The following HYCC1 variants were observed in gnomAD, a reference collection of about 807,000 sequenced individuals.
The protein encoded by HYCC1 is hyccin PI4KA lipid kinase complex subunit 1.
chr7:22,986,688 A>C, the HYCC1 span, among the ~76,000 whole-genome samples: 7 of 152,318 alleles, frequency 4.6e-5, no homozygotes, highest in African/African-American at 1.2e-4. Flanking sequence ...TTTAGTAAAA[A>C]TACAAAAATT....
At chr7:23,003,986 A>G in the HYCC1 span, among the ~76,000 whole-genome samples, 9 of 152,374 alleles carry the variant, frequency 5.9e-5, no homozygotes, top group East Asian at 1.3e-3. Flanking sequence ...AAAACATTAT[A>G]GTAACCAAAG....
chr7:22,924,617 C>T, the HYCC1 span, among the ~76,000 whole-genome samples: 181 of 152,328 alleles, frequency 1.2e-3, no homozygotes, highest in African/African-American at 3.4e-3. Flanking sequence ...AACTGCAAGG[C>T]GGCAGCAAGG....
chr7:22,974,829 G>C, the HYCC1 span, among the ~76,000 whole-genome samples: 1 of 152,188 alleles, frequency 6.6e-6, no homozygotes, highest in African/African-American at 2.4e-5. Context: ...TGAATCATGG[G>C]GTTGGGTTTT....
At chr7:22,983,617 C>A in the HYCC1 span, 4 of 265,002 alleles carry the variant, frequency 1.5e-5, no homozygotes, top group South Asian at 1.2e-4. Flanking sequence ...ATGTGTTACT[C>A]AATTTGATTC....
chr7:22,917,561 C>A, the HYCC1 span, among the ~76,000 whole-genome samples: 1 of 152,210 alleles, frequency 6.6e-6, no homozygotes, highest in Admixed American at 6.5e-5. Flanking sequence ...TGGGTAGACA[C>A]TTTCACTGGA....
At chr7:22,982,565 T>G in the HYCC1 span, among the ~76,000 whole-genome samples, 2 of 152,280 alleles carry the variant, frequency 1.3e-5, no homozygotes, top group East Asian at 3.9e-4. Context: ...GAGTCTATCA[T>G]GCCATCAATC....
the HYCC1 span, among the ~76,000 whole-genome samples, chr7:22,898,671 C>T: frequency 2.7e-5 from 4 of 148,366 alleles, no homozygotes; most frequent in East Asian, 2.0e-4. Flanking sequence ...GGCATGATCT[C>T]GGCTCACTGC....
chr7:22,908,156 A>T, the HYCC1 span, among the ~76,000 whole-genome samples: 1 of 152,206 alleles, frequency 6.6e-6, no homozygotes, highest in East Asian at 1.9e-4. Context: ...AGAAGAGCTT[A>T]AGTGATGAAA....
the HYCC1 span, among the ~76,000 whole-genome samples, chr7:22,903,827 T>G: frequency 1.3e-5 from 2 of 152,196 alleles, no homozygotes; most frequent in Non-Finnish European, 1.5e-5. Context: ...AAGACATTTT[T>G]TAATATCATA....
chr7:22,988,807 A>C, the HYCC1 span, among the ~76,000 whole-genome samples: 2 of 152,218 alleles, frequency 1.3e-5, no homozygotes, highest in South Asian at 4.1e-4. Flanking sequence ...CAATCAACTT[A>C]TTTGCTCAAT....
chr7:22,989,230 CA>C, the HYCC1 span, among the ~76,000 whole-genome samples: 1 of 150,450 alleles, frequency 6.6e-6, no homozygotes, highest in African/African-American at 2.5e-5. Flanking sequence ...ATCAATCTGC[CA>C]AAAAAAAGCC....
chr7:22,915,125 C>A, the HYCC1 span, among the ~76,000 whole-genome samples: 1 of 152,164 alleles, frequency 6.6e-6, no homozygotes, highest in Non-Finnish European at 1.5e-5. Flanking sequence ...GCCAGAAGGC[C>A]ATCTTATTCT....
chr7:22,928,307 T>C, the HYCC1 span, among the ~76,000 whole-genome samples: 2 of 152,168 alleles, frequency 1.3e-5, no homozygotes, highest in Admixed American at 6.5e-5. Context: ...ACCACTCCTA[T>C]TCAACATAGT....
At chr7:22,944,325 T>G in the HYCC1 span, 1 of 152,158 alleles carries the variant, frequency 6.6e-6, no homozygotes, top group Admixed American at 6.6e-5. Flanking sequence ...CTAGCAAACA[T>G]CAAACTTTTA....
the HYCC1 span, among the ~76,000 whole-genome samples, chr7:23,009,318 G>A: frequency 3.9e-5 from 6 of 152,198 alleles, no homozygotes; most frequent in Admixed American, 3.9e-4. Context: ...ATAAGGCTGT[G>A]ACAATAATAA....
the HYCC1 span, among the ~76,000 whole-genome samples, chr7:22,915,465 T>C: frequency 6.6e-6 from 1 of 152,212 alleles, no homozygotes; most frequent in African/African-American, 2.4e-5. Flanking sequence ...GTCCCATCTG[T>C]GCAGGACCCC....
chr7:22,928,912 G>A, the HYCC1 span, among the ~76,000 whole-genome samples: 1 of 152,080 alleles, frequency 6.6e-6, no homozygotes, highest in African/African-American at 2.4e-5. Flanking sequence ...AACAAAGCTG[G>A]AGGCATCATG....
At chr7:22,950,048 C>T in the HYCC1 span, among the ~76,000 whole-genome samples, 1 of 151,920 alleles carries the variant, frequency 6.6e-6, no homozygotes, top group Non-Finnish European at 1.5e-5. Context: ...CATTTGTTAC[C>T]TAATCTTGCT....
chr7:22,995,250 C>A, the HYCC1 span, among the ~76,000 whole-genome samples: 29 of 152,108 alleles, frequency 1.9e-4, no homozygotes, highest in African/African-American at 7.0e-4. Flanking sequence ...AATCAATCCA[C>A]CCCACGCCCT....
Sources: gnomAD v4.1 joint callset for allele counts (sites outside exome capture counted in the v4.1 genomes callset) on GRCh38, gnomAD v4.1.1 for gene constraint, MANE v1.5 for transcripts, NCBI Gene and HGNC (gene_info 2026-07-23, HGNC 2026-07-21) for gene names.